ZNF536: variants seen among roughly 807,000 people sequenced by gnomAD.
ZNF536 encodes the protein zinc finger protein 536.
A neutral mutation model predicts 84.5 loss-of-function variants in ZNF536; 13 were observed. The observed-to-expected ratio is 0.15, with a 90% confidence interval of 0.10 to 0.24. The LOEUF is 0.24. Among genes scored for constraint, ZNF536 ranks in the 10% least tolerant of loss-of-function variants. The probability of loss-of-function intolerance (pLI) is 1.00; values close to 1 mark genes in which losing one functional copy is unlikely to be tolerated. For synonymous variants in ZNF536, 811 were observed against 742.5 expected (o/e 1.09, Z -1.50); for missense variants, 1,536 against 1,747.5 (o/e 0.88, Z 2.16).
intron 1 of ZNF536, among the ~76,000 whole-genome samples, chr19:30,706,453 C>T (rs1013025348): frequency 6.6e-6 from 1 of 150,552 alleles, no homozygotes; most frequent in African/African-American, 2.5e-5. Context: ...CACCACTGCA[C>T]TGCAGCCTGT....
At position 30,660,572 on chromosome 19, in the gene ZNF536, G is replaced by A. The variant is rs576377403; in HGVS notation, c.170-50185G>A. ...GATAAACTAATAAATATCTATCACC[G>A]TTATATTTCATGATTTCCCAAAGAT... On this transcript the variant is annotated intron_variant, in intron 1 of 1. Coordinates refer to the ZNF536 transcript ENST00000592773. 3.9e-5 allele frequency among the ~76,000 whole-genome samples: 6 copies of A among 152,214 alleles called. No homozygotes were observed. The South Asian group carries it at 1.0e-3, about 26-fold the overall frequency.
intron 1 of ZNF536, among the ~76,000 whole-genome samples, chr19:30,702,597 G>A (rs1210127415): frequency 6.6e-6 from 1 of 152,110 alleles, no homozygotes; most frequent in Non-Finnish European, 1.5e-5. Context: ...CCCACGGAAC[G>A]AGGGCCAAGT....
At chr19:30,473,844 A>G (rs994446121) in intron 2 of ZNF536, among the ~76,000 whole-genome samples, 4 of 152,172 alleles carry the variant, frequency 2.6e-5, no homozygotes, top group African/African-American at 9.7e-5. Flanking sequence ...CCAGGGATGA[A>G]TGTTCGTGAA....
At chr19:30,317,965 G>A (rs991463598) in intron 2 of ZNF536, among the ~76,000 whole-genome samples, 2 of 152,134 alleles carry the variant, frequency 1.3e-5, no homozygotes, top group African/African-American at 2.4e-5. Context: ...AAATGCCTAC[G>A]CTGCAGGCTA....
At chr19:30,597,996 G>A (rs2047528103) in intron 1 of ZNF536, among the ~76,000 whole-genome samples, 1 of 152,188 alleles carries the variant, frequency 6.6e-6, no homozygotes, top group South Asian at 2.1e-4. Flanking sequence ...TTATTGCTAT[G>A]TGTGTTGTTG....
chr19:30,690,293 A>C (rs1324236596), intron 1 of ZNF536, among the ~76,000 whole-genome samples: 1 of 152,172 alleles, frequency 6.6e-6, no homozygotes, highest in African/African-American at 2.4e-5. Context: ...TGAAGAACTA[A>C]GTCCTGTTGT....
intron 1 of ZNF536, among the ~76,000 whole-genome samples, chr19:30,276,014 G>T (rs971245028): frequency 6.6e-6 from 1 of 151,888 alleles, no homozygotes; most frequent in African/African-American, 2.4e-5. Context: ...GGGCTGTTTT[G>T]ACTATGAATT....
rs1341553847 is a variant in ZNF536, at chr19:30,462,565, A to ATTGATGTGTATTGATGTGTGTT, written c.2170+16833_2170+16834insTTGATGTGTATTGATGTGTGTT. Among the ~76,000 whole-genome samples, 128 of 152,222 alleles carry ATTGATGTGTATTGATGTGTGTT rather than the reference A, an allele frequency of 8.4e-4. 2 individuals are homozygous for ATTGATGTGTATTGATGTGTGTT. The highest frequency in any genetic ancestry group is 1.1e-3 in the Non-Finnish European group (77 of 68,004). On this transcript the variant is annotated intron_variant, in intron 2 of 4. Transcript: ENST00000355537. ...GTTGAGTATGTGTATTGATGTGTGCACAGGTGACAGTGACTTGGGATGTGA... is the reference window on the plus strand; with the variant it reads ...GTTGAGTATGTGTATTGATGTGTGCATTGATGTGTATTGATGTGTGTTCAGGTGACAGTGACTTGGGATGTGA...
chr19:30,646,915 TC>T (rs1323178287), intron 1 of ZNF536, among the ~76,000 whole-genome samples: 1 of 152,112 alleles, frequency 6.6e-6, no homozygotes, highest in East Asian at 1.9e-4. Context: ...GCAGTCAGTC[TC>T]CTTTTTTTAT....
intron 1 of ZNF536, among the ~76,000 whole-genome samples, chr19:30,246,614 G>A (rs2024294650): frequency 6.6e-6 from 1 of 152,172 alleles, no homozygotes; most frequent in South Asian, 2.1e-4. Context: ...CTCGAGGGTG[G>A]GCGGTTTGGG....
At chr19:30,405,425 C>A (rs1290582562) in intron 1 of ZNF536, among the ~76,000 whole-genome samples, 1 of 152,188 alleles carries the variant, frequency 6.6e-6, no homozygotes, top group Non-Finnish European at 1.5e-5. Context: ...CGCACTGCTA[C>A]TTCCTGAACT....
At chr19:30,233,720 C>A (rs1015592812) in intron 1 of ZNF536, among the ~76,000 whole-genome samples, 2 of 152,076 alleles carry the variant, frequency 1.3e-5, no homozygotes, top group African/African-American at 4.8e-5. Flanking sequence ...GATGCAGGTA[C>A]TATATATGTC....
chr19:30,229,683 A>ATGTCATTC (rs1457555042), intron 1 of ZNF536, among the ~76,000 whole-genome samples: 1 of 152,158 alleles, frequency 6.6e-6, no homozygotes, highest in Admixed American at 6.5e-5. Context: ...TTTAGTTATG[A>ATGTCATTC]TGTCATTCTG....
intron 4 of ZNF536, among the ~76,000 whole-genome samples, chr19:30,552,705 C>T (rs1231324403): frequency 6.6e-6 from 1 of 152,214 alleles, no homozygotes; most frequent in African/African-American, 2.4e-5. Context: ...CCTGCCCATC[C>T]TAACAGCCAA....
At chr19:30,383,679 TCTTC>T (rs1236048192) in intron 1 of ZNF536, among the ~76,000 whole-genome samples, 1 of 17,166 alleles carries the variant, frequency 5.8e-5, no homozygotes, top group Non-Finnish European at 1.3e-4. Flanking sequence ...TTTCTTCCTT[TCTTC>T]CTTCCTTTCT....
chr19:30,322,390 C>A (rs1210956899), intron 2 of ZNF536, among the ~76,000 whole-genome samples: 1 of 152,178 alleles, frequency 6.6e-6, no homozygotes, highest in Non-Finnish European at 1.5e-5. Flanking sequence ...CAGATGCCCA[C>A]AGGGGAAATT....
intron 1 of ZNF536, among the ~76,000 whole-genome samples, chr19:30,402,786 A>T (rs12979982): frequency 2.0e-5 from 1 of 50,144 alleles, no homozygotes; most frequent in Non-Finnish European, 5.5e-5. Flanking sequence ...AACATTTTTT[A>T]AAATTAAAAA....
At position 30,331,277 on chromosome 19, in the gene ZNF536, T is replaced by TA. The variant is rs2047201196; in HGVS notation, c.-119-21089dup. Among the ~76,000 whole-genome samples, 9 of 92,550 alleles carry TA rather than the reference T, an allele frequency of 9.7e-5. No individual in the cohort carries two copies. The South Asian group carries it at 3.4e-3, about 35-fold the overall frequency. 60.7% of individuals were successfully genotyped at this position (92,550 alleles called of 152,430 possible). On this transcript the variant is annotated intron_variant, in intron 2 of 5. Transcript: ENST00000585628. Reference sequence around the variant, plus strand: ...CCACACTCCAGCCTGGGGAACAGAGTAAGACCCTGTATCTTAAAAAAAAAA... The same window carrying TA: ...CCACACTCCAGCCTGGGGAACAGAGTAAAGACCCTGTATCTTAAAAAAAAAA...
chr19:30,355,798 C>T (rs7252237), intron 3 of ZNF536, among the ~76,000 whole-genome samples: 1 of 151,842 alleles, frequency 6.6e-6, no homozygotes, highest in Non-Finnish European at 1.5e-5. Flanking sequence ...TTGTGAACTG[C>T]GAATGTGAGG....
Sources: gnomAD v4.1 joint callset for allele counts (sites outside exome capture counted in the v4.1 genomes callset) on GRCh38, gnomAD v4.1.1 for gene constraint, MANE v1.5 for transcripts, NCBI Gene and HGNC (gene_info 2026-07-23, HGNC 2026-07-21) for gene names.